Variants in DCT observed in about 807,000 individuals in gnomAD.
DCT encodes dopachrome tautomerase, also known as L-dopachrome tautomerase.
A neutral mutation model predicts 53.0 loss-of-function variants in DCT; 47 were observed. The ratio of observed to expected loss-of-function variants is 0.89; its 90% CI spans 0.70 to 1.13. The LOEUF is 1.13. Among genes scored for constraint, DCT ranks in the 50% most tolerant of loss-of-function variants. The probability of loss-of-function intolerance (pLI) is 0.00; values close to 1 mark genes in which losing one functional copy is unlikely to be tolerated. For missense variants in DCT, 669 were observed against 637.4 expected (o/e 1.05, Z -0.53); for synonymous variants, 244 against 237.0 (o/e 1.03, Z -0.27).
chr13:94,482,646 T>C (rs1885496387), upstream of DCT, among the ~76,000 whole-genome samples: 1 of 152,212 alleles, frequency 6.6e-6, no homozygotes, highest in Non-Finnish European at 1.5e-5. Context: ...ATTTGGCAAA[T>C]AGAGACTACT....
the DCT span, among the ~76,000 whole-genome samples, chr13:94,496,491 G>T: frequency 6.2e-3 from 939 of 152,146 alleles, 6 homozygotes; most frequent in African/African-American, 0.022. Flanking sequence ...ACCGCACCCG[G>T]CCGGATTCTG....
intron 1 of DCT, among the ~76,000 whole-genome samples, chr13:94,476,922 G>A (rs1413122101): frequency 1.3e-5 from 2 of 152,154 alleles, no homozygotes; most frequent in Middle Eastern, 6.8e-3. Flanking sequence ...TTGAGAGAAG[G>A]TCTATAGAAG....
upstream of DCT, among the ~76,000 whole-genome samples, chr13:94,479,897 G>T (rs1208465846): frequency 6.6e-6 from 1 of 152,170 alleles, no homozygotes; most frequent in Non-Finnish European, 1.5e-5. Flanking sequence ...GGGCTCATGT[G>T]CTCCAGCCAA....
At chr13:94,501,139 G>A in the DCT span, among the ~76,000 whole-genome samples, 2 of 152,054 alleles carry the variant, frequency 1.3e-5, no homozygotes, top group African/African-American at 4.8e-5. Context: ...CGTGGTGGCG[G>A]GCACCTGCAG....
the DCT span, among the ~76,000 whole-genome samples, chr13:94,502,633 C>T: frequency 2.7e-5 from 4 of 150,646 alleles, no homozygotes; most frequent in African/African-American, 9.7e-5. Context: ...AGCTTTCTGA[C>T]CCCCTCCTCT....
chr13:94,539,228 G>A, the DCT span, among the ~76,000 whole-genome samples: 1 of 152,180 alleles, frequency 6.6e-6, no homozygotes, highest in Non-Finnish European at 1.5e-5. Flanking sequence ...AGGATCACAT[G>A]CCCAGAGCAT....
chr13:94,477,885 T>G (rs1885199190), intron 1 of DCT, among the ~76,000 whole-genome samples: 1 of 152,186 alleles, frequency 6.6e-6, no homozygotes, highest in Non-Finnish European at 1.5e-5. Context: ...CCACTTGTGT[T>G]TTTTGTATTT....
At chr13:94,476,180 CTTTTTT>C (rs529819051) in intron 1 of DCT, among the ~76,000 whole-genome samples, 4 of 72,732 alleles carry the variant, frequency 5.5e-5, no homozygotes, top group Non-Finnish European at 7.6e-5. Context: ...GGGGGAGCCT[CTTTTTT>C]TTTTTTTTTT....
Position 94,464,653 on chromosome 13 carries a change from ACAAAAAAC to A in DCT, c.863+972_863+979del, listed in dbSNP as rs572752678. Reference sequence around the variant, plus strand: ...GACTCCATCTCAAAAAAACAAAAAAACAAAAAACAAAAAACAAAACAAATTTTGGAGGA... The same window carrying A: ...GACTCCATCTCAAAAAAACAAAAAAAAAAAAACAAAACAAATTTTGGAGGA... On this transcript the variant is annotated intron_variant, in intron 4 of 7. Coordinates refer to ENST00000377028, the MANE Select transcript of DCT (RefSeq NM_001922.5). Among the ~76,000 whole-genome samples the A allele has an allele frequency of 8.3e-3, 1,264 of 151,982 alleles. 8 individuals carry two copies. Among genetic ancestry groups the A allele is most frequent in the Non-Finnish European group, 0.014 (926 of 67,934 alleles).
At chr13:94,449,845 A>T (rs1882968037) in intron 6 of DCT, among the ~76,000 whole-genome samples, 1 of 152,242 alleles carries the variant, frequency 6.6e-6, no homozygotes, top group Admixed American at 6.5e-5. Flanking sequence ...TGAAATAGTT[A>T]AACAACACCC....
At chr13:94,498,091 T>C in the DCT span, among the ~76,000 whole-genome samples, 1 of 152,202 alleles carries the variant, frequency 6.6e-6, no homozygotes, top group African/African-American at 2.4e-5. Flanking sequence ...CCTAAACCTC[T>C]ACTCCCTCAG....
At chr13:94,501,138 G>A in the DCT span, among the ~76,000 whole-genome samples, 2,270 of 152,138 alleles carry the variant, frequency 0.015, 53 homozygotes, top group African/African-American at 0.051. Context: ...GCGTGGTGGC[G>A]GGCACCTGCA....
intron 1 of DCT, among the ~76,000 whole-genome samples, chr13:94,478,692 A>T (rs1327211762): frequency 6.6e-6 from 1 of 152,252 alleles, no homozygotes; most frequent in Non-Finnish European, 1.5e-5. Context: ...CCCTTCCAAC[A>T]AACAAGCCAA....
intron 6 of DCT, chr13:94,444,236 T>A (rs1449581074): frequency 1.1e-5 from 3 of 280,572 alleles, no homozygotes; most frequent in Non-Finnish European, 2.1e-5. Flanking sequence ...TCAACTGGTA[T>A]AATGCAAGTA....
intron 6 of DCT, among the ~76,000 whole-genome samples, chr13:94,446,012 C>G (rs1428759984): frequency 1.3e-5 from 2 of 152,154 alleles, no homozygotes; most frequent in Non-Finnish European, 2.9e-5. Flanking sequence ...AGGCCTGAGA[C>G]TTCTCCTCCA....
At position 94,456,810 on chromosome 13, in the gene DCT, T is replaced by G. The variant is rs537372651; in HGVS notation, c.1179+3281A>C. 5.2e-4 allele frequency among the ~76,000 whole-genome samples: 79 copies of G among 152,298 alleles called. No individual in the cohort carries two copies. The South Asian group carries it at 0.016, about 30-fold the overall frequency. ...GTAAAACTGATTGACTTGTAATCAG[T>G]CATGAAGCCTCCAAAAAGTCCAGAA... On this transcript the variant is annotated intron_variant, in intron 6 of 7. Coordinates refer to ENST00000377028, the MANE Select transcript of DCT (RefSeq NM_001922.5).
At chr13:94,505,759 C>T in the DCT span, among the ~76,000 whole-genome samples, 1 of 152,208 alleles carries the variant, frequency 6.6e-6, no homozygotes, top group Non-Finnish European at 1.5e-5. Flanking sequence ...CTATTGTCTT[C>T]TCAGCTTGAA....
At chr13:94,451,928 T>C (rs1263254312) in intron 6 of DCT, among the ~76,000 whole-genome samples, 1 of 152,188 alleles carries the variant, frequency 6.6e-6, no homozygotes, top group Non-Finnish European at 1.5e-5. Flanking sequence ...GGTTTTTTTT[T>C]TCTTTTTCCA....
chr13:94,470,613 A>T (rs1884581450), intron 1 of DCT, among the ~76,000 whole-genome samples: 1 of 152,140 alleles, frequency 6.6e-6, no homozygotes, highest in Non-Finnish European at 1.5e-5. Context: ...TGACCAGCTC[A>T]CTTACTCCTC....
Sources: gnomAD v4.1 joint callset for allele counts (sites outside exome capture counted in the v4.1 genomes callset) on GRCh38, gnomAD v4.1.1 for gene constraint, MANE v1.5 for transcripts, NCBI Gene and HGNC (gene_info 2026-07-23, HGNC 2026-07-21) for gene names.